Variants in RIC1 observed in about 807,000 individuals in gnomAD.
RIC1 encodes RIC1 partner of RAB6A GEF complex.
Under a neutral mutation model 169.0 loss-of-function variants are expected in RIC1, and 88 were observed. The observed-to-expected ratio is 0.52, with a 90% CI of 0.44 to 0.62. The LOEUF (loss-of-function observed/expected upper bound fraction) is 0.62. Ranked by LOEUF, RIC1 falls within the 20% of genes least tolerant of loss-of-function variation. The pLI is 0.00. For missense variants in RIC1, 1,877 were observed against 1,725.5 expected (o/e 1.09, Z -1.56); for synonymous variants, 790 against 601.5 (o/e 1.31, Z -4.59).
intron 6 of RIC1, among the ~76,000 whole-genome samples, chr9:5,722,348 A>AGAGAGTGTGTGTGT (rs374028302): frequency 6.9e-5 from 9 of 131,296 alleles, no homozygotes; most frequent in African/African-American, 2.6e-4. Flanking sequence ...AGAGAGAGAG[A>AGAGAGTGTGTGTGT]GTGTGTGTGT....
intron 1 of RIC1, among the ~76,000 whole-genome samples, chr9:5,631,352 G>A (rs1817705490): frequency 6.6e-6 from 1 of 152,078 alleles, no homozygotes; most frequent in South Asian, 2.1e-4. Context: ...TTAGAGGTCT[G>A]GAGTGAAATG....
intron 1 of RIC1, among the ~76,000 whole-genome samples, chr9:5,645,908 A>G (rs1372554718): frequency 6.7e-6 from 1 of 149,890 alleles, no homozygotes; most frequent in Non-Finnish European, 1.5e-5. Context: ...TTGGGTACAT[A>G]CCCAGAAGTG....
chr9:5,679,291 T>A (rs1027499988), intron 2 of RIC1, among the ~76,000 whole-genome samples: 12 of 152,200 alleles, frequency 7.9e-5, no homozygotes, highest in Admixed American at 7.2e-4. Flanking sequence ...CCAGCTTTGT[T>A]CTTTTGACTT....
chr9:5,676,900 C>T (rs1820483588), intron 2 of RIC1, among the ~76,000 whole-genome samples: 2 of 152,184 alleles, frequency 1.3e-5, no homozygotes, highest in Admixed American at 1.3e-4. Context: ...TTACGGATTT[C>T]TCACAGTTGG....
chr9:5,652,627 G>T (rs1438431685), intron 1 of RIC1, among the ~76,000 whole-genome samples: 2 of 151,844 alleles, frequency 1.3e-5, no homozygotes, highest in Admixed American at 6.6e-5. Flanking sequence ...CTATATGTAA[G>T]ATTGTGTTAC....
Position 5,763,360 on chromosome 9 carries a change from C to T in RIC1, c.2333C>T (p.Pro778Leu), listed in dbSNP as rs1826465235. The change falls in exon 19 of 26, where the codon CCG becomes CTG. Residue 778 changes from proline (P) to leucine (L), a missense_variant. This residue lies in a region of RIC1 where 1,104 missense variants were observed against 992.0 expected (regional missense o/e 1.11). Coordinates refer to ENST00000414202, the MANE Select transcript of RIC1 (RefSeq NM_020829.4). This position sits in a 1 kb window ranked among gnomAD's most constrained non-coding sequence, Gnocchi z 5.2. ...CTGCCTTTCCACATCAACATTTACC[C>T]GCTAGCTGTTCTGTTTGAAGATGCT... The part of the protein sequence containing the change: ...IMLPFHINIY[P>L]LAVLFEDALV... 5 of 1,614,132 alleles carry T rather than the reference C, an allele frequency of 3.1e-6. No homozygotes were observed. Among genetic ancestry groups the T allele is most frequent in the African/African-American group, 1.3e-5 (1 of 75,034 alleles).
intron 3 of RIC1, among the ~76,000 whole-genome samples, chr9:5,712,231 G>T (rs2130822501): frequency 6.6e-6 from 1 of 152,248 alleles, no homozygotes; most frequent in South Asian, 2.1e-4. Flanking sequence ...ATCCTCTCCA[G>T]CACCTGTTGT....
chr9:5,738,342 T>C (rs1463476228), intron 7 of RIC1, 108 bp from the exon 8 acceptor site: 9 of 708,000 alleles, frequency 1.3e-5, no homozygotes, highest in Non-Finnish European at 2.2e-5. Context: ...GACAAAGTGG[T>C]TTTGTTCTAG....
chr9:5,706,592 T>C (rs1348318982), intron 3 of RIC1, among the ~76,000 whole-genome samples: 1 of 152,184 alleles, frequency 6.6e-6, no homozygotes, highest in Non-Finnish European at 1.5e-5. Flanking sequence ...TTCTTCTTTA[T>C]TGGGAGGTTT....
chr9:5,675,154 A>G (rs1820365220), intron 2 of RIC1, among the ~76,000 whole-genome samples: 1 of 152,198 alleles, frequency 6.6e-6, no homozygotes, highest in Non-Finnish European at 1.5e-5. Flanking sequence ...GGCTAGGGTT[A>G]GACCGCACAG....
At position 5,690,047 on chromosome 9, in the gene RIC1, G is replaced by A. The variant is rs772036448; in HGVS notation, c.332+9G>A. 2 of 1,554,894 alleles carry A rather than the reference G, an allele frequency of 1.3e-6. No homozygotes were observed. Among genetic ancestry groups the A allele is most frequent in the African/African-American group, 2.8e-5 (2 of 72,162 alleles). On this transcript the variant is annotated intron_variant, in intron 3 of 25. Coordinates refer to ENST00000414202, the MANE Select transcript of RIC1 (RefSeq NM_020829.4). ...GAACCAGTGTATCCCAAGTAAGTTT[G>A]TTGCCTTTCATTCTTTTAATATGTG...
At chr9:5,765,275 C>A in intron 19 of RIC1, 139 bp from the exon 20 acceptor site, 1 of 860,218 alleles carries the variant, frequency 1.2e-6, no homozygotes, top group Non-Finnish European at 1.8e-6. Flanking sequence ...TTGTATGGTA[C>A]TTTTTAATCT....
Position 5,684,151 on chromosome 9 carries a change from C to G in RIC1, c.253-5808C>G, listed in dbSNP as rs188405650. On this transcript the variant is annotated intron_variant, in intron 2 of 25. Coordinates refer to ENST00000414202, the MANE Select transcript of RIC1 (RefSeq NM_020829.4). ...ACGCACAGTGCGCTGCACCCACTGT[C>G]CGGCACACCCCGGTGAGATGAACCC... 1.5e-4 allele frequency among the ~76,000 whole-genome samples: 23 copies of G among 152,048 alleles called. 1 individual carries two copies. The East Asian group carries it at 3.7e-3, about 24-fold the overall frequency.
intron 10 of RIC1, among the ~76,000 whole-genome samples, chr9:5,745,468 T>C (rs1447311331): frequency 6.6e-6 from 1 of 152,168 alleles, no homozygotes; most frequent in Admixed American, 6.6e-5. Flanking sequence ...AAAGCCAAGC[T>C]ATAATGAAGA....
chr9:5,774,276 T>A lies in RIC1; in HGVS notation c.*30T>A. 6.4e-7 allele frequency: 1 copy of A among 1,569,978 alleles called. No individual in the cohort carries two copies. Among genetic ancestry groups the A allele is most frequent in the Non-Finnish European group, 8.6e-7 (1 of 1,156,256 alleles). ...GAGGTTCCATCACAAAGGGGCAGTA[T>A]TAATTAGCAGCAGCGTGCAGCTCAG... is the stretch of plus-strand genomic sequence containing the variant. On this transcript the variant is annotated 3_prime_UTR_variant, in exon 26 of 26. Transcript: ENST00000414202.
chr9:5,751,710 C>G (rs1222377436), intron 12 of RIC1, among the ~76,000 whole-genome samples: 1 of 152,076 alleles, frequency 6.6e-6, no homozygotes, highest in Non-Finnish European at 1.5e-5. Flanking sequence ...TTTAAGTTGA[C>G]TTAAGTCAAC....
At chr9:5,689,044 CTTTTTTTTTTTTT>C (rs34717277) in intron 2 of RIC1, among the ~76,000 whole-genome samples, 2 of 99,056 alleles carry the variant, frequency 2.0e-5, no homozygotes, top group Non-Finnish European at 1.8e-5. Flanking sequence ...AATACAATTT[CTTTTTTTTTTTTT>C]TTTTTTTTTG....
chr9:5,742,807 A>C (rs13293052), intron 8 of RIC1, 62 bp from the exon 9 acceptor site: 11 of 1,445,040 alleles, frequency 7.6e-6, no homozygotes, highest in Admixed American at 2.2e-5. Flanking sequence ...TGAAAAAAAA[A>C]AAAAAACAAG....
At chr9:5,659,323 A>G (rs910927802) in intron 2 of RIC1, among the ~76,000 whole-genome samples, 2 of 152,144 alleles carry the variant, frequency 1.3e-5, no homozygotes, top group Non-Finnish European at 2.9e-5. Context: ...TTTTGAAATC[A>G]GGAAGTGGAA....
Sources: allele counts gnomAD v4.1 joint callset (sites outside exome capture counted in the v4.1 genomes callset), GRCh38; gene constraint gnomAD v4.1.1; regional missense constraint gnomAD v4.1.1; non-coding constraint Gnocchi (gnomAD v3.1); transcripts MANE v1.5; gene names NCBI Gene and HGNC (gene_info 2026-07-23, HGNC 2026-07-21).